CCSER2: variants seen among roughly 807,000 people sequenced by gnomAD.
CCSER2 encodes serine-rich coiled-coil domain-containing protein 2.
CCSER2 carries 46 observed loss-of-function variants against 92.3 expected under a neutral mutation model. That is an observed-to-expected ratio of 0.50 (90% CI 0.39 to 0.64). The LOEUF is 0.64. CCSER2 is among the 30% of genes least tolerant of loss of function. The pLI is 0.00. For synonymous variants in CCSER2, 433 were observed against 431.4 expected, an observed-to-expected ratio of 1.00 and a Z score of -0.04; for missense variants, 1,244 against 1,238.9, an observed-to-expected ratio of 1.00 and a Z score of -0.06.
intron 1 of CCSER2, among the ~76,000 whole-genome samples, chr10:84,351,630 G>A (rs535600571): frequency 1.3e-5 from 2 of 152,258 alleles, no homozygotes; most frequent in East Asian, 3.9e-4. Flanking sequence ...GCAGCCTTCC[G>A]AATAGCTTGG....
At chr10:84,425,300 T>C in intron 4 of CCSER2, 2 of 299,570 alleles carry the variant, frequency 6.7e-6, no homozygotes, top group African/African-American at 4.5e-5. Flanking sequence ...CAGTGAAAAT[T>C]AATTGTAGCA....
intron 6 of CCSER2, among the ~76,000 whole-genome samples, chr10:84,440,550 C>T (rs1478270071): frequency 6.6e-6 from 1 of 152,174 alleles, no homozygotes; most frequent in African/African-American, 2.4e-5. Flanking sequence ...AACCTGTTCT[C>T]ATCTGAACAG....
intron 5 of CCSER2, among the ~76,000 whole-genome samples, chr10:84,428,892 G>A (rs1193086609): frequency 6.6e-6 from 1 of 151,344 alleles, no homozygotes; most frequent in Non-Finnish European, 1.5e-5. Flanking sequence ...TACTAATGTG[G>A]AGTAATACTT....
Position 84,417,789 on chromosome 10 carries a change from G to T in CCSER2, c.1633G>T (p.Glu545Ter). The stretch of plus-strand genomic sequence containing the variant: ...TTCACAGGATATTTTGAATAATCTT[G>T]AATCATGTGACCTTGAGGATGATGA... ...MNSIDILNNL[E>*]SCDLEDDDLM... is the part of the protein sequence containing the mutation. Residue 545 changes from glutamate to a stop codon, truncating the protein, a stop_gained, in exon 4 of 10, where the codon GAA (glutamate) becomes TAA (stop). Transcript: ENST00000372088. LOFTEE classifies it high-confidence loss of function. 1 of 1,571,204 alleles carries T rather than the reference G, an allele frequency of 6.4e-7. No individual in the cohort carries two copies. Among genetic ancestry groups the T allele is most frequent in the Non-Finnish European group, 8.8e-7 (1 of 1,141,100 alleles).
chr10:84,505,053 C>T (rs1173869192), intron 9 of CCSER2, among the ~76,000 whole-genome samples: 1 of 152,036 alleles, frequency 6.6e-6, no homozygotes, highest in East Asian at 1.9e-4. Flanking sequence ...TATTTCCTTT[C>T]AGTCTTTTAA....
rs779866037 is a variant in CCSER2 at position 84,372,222 on chromosome 10, G to A, written c.1170G>A (p.Leu390=). The A allele has an allele frequency of 1.1e-5, 18 of 1,613,440 alleles. No homozygotes were observed. Among genetic ancestry groups the A allele is most frequent in the Non-Finnish European group, 1.4e-5 (17 of 1,179,634 alleles). Reference sequence around the variant, plus strand: ...AACATGATGCTAAAATGAGATACCTGAGTGATGATGTGGATGACATTTCCT... The same window carrying A: ...AACATGATGCTAAAATGAGATACCTAAGTGATGATGTGGATGACATTTCCT... ...TMKHDAKMRY[L]SDDVDDISLS... The change falls in exon 2 of 10, where the codon CTG becomes CTA. Residue 390 remains leucine (L), a synonymous_variant. Coordinates refer to ENST00000372088, the MANE Select transcript of CCSER2 (RefSeq NM_001284240.2).
chr10:84,392,489 A>G (rs1841583467), intron 3 of CCSER2, among the ~76,000 whole-genome samples: 1 of 152,110 alleles, frequency 6.6e-6, no homozygotes, highest in Non-Finnish European at 1.5e-5. Context: ...GGGAGTTACA[A>G]ATAGTAAAGA....
intron 7 of CCSER2, among the ~76,000 whole-genome samples, chr10:84,466,460 A>G (rs550628380): frequency 1.3e-5 from 2 of 151,884 alleles, no homozygotes; most frequent in African/African-American, 4.8e-5. Context: ...TCATCCAGTA[A>G]ATATCTTATG....
intron 3 of CCSER2, among the ~76,000 whole-genome samples, chr10:84,416,806 C>T (rs1226949101): frequency 1.3e-5 from 2 of 152,122 alleles, no homozygotes; most frequent in African/African-American, 4.8e-5. Flanking sequence ...TGGTGGGCGC[C>T]TGTAGTCCCA....
chr10:84,457,303 TATG>T (rs1845746322), intron 6 of CCSER2, among the ~76,000 whole-genome samples: 1 of 48,808 alleles, frequency 2.0e-5, no homozygotes, highest in South Asian at 4.7e-4. Context: ...TTATATATAA[TATG>T]TTATATATAA....
chr10:84,464,752 C>T (rs1846292815), intron 7 of CCSER2, among the ~76,000 whole-genome samples: 1 of 152,092 alleles, frequency 6.6e-6, no homozygotes, highest in African/African-American at 2.4e-5. Flanking sequence ...CATACTGAGA[C>T]GGATCAGCCC....
At chr10:84,437,389 C>T (rs1432527695) in intron 5 of CCSER2, among the ~76,000 whole-genome samples, 2 of 151,954 alleles carry the variant, frequency 1.3e-5, no homozygotes, top group Admixed American at 1.3e-4. Flanking sequence ...TGGTGGGTGC[C>T]TGTAATCCCA....
At chr10:84,500,774 C>T (rs1848680125) in intron 9 of CCSER2, among the ~76,000 whole-genome samples, 1 of 152,032 alleles carries the variant, frequency 6.6e-6, no homozygotes, top group Non-Finnish European at 1.5e-5. Context: ...TATGCCTTCT[C>T]CAAGGATTTA....
chr10:84,425,514 A>G (rs1338787552), intron 4 of CCSER2, among the ~76,000 whole-genome samples: 1 of 152,230 alleles, frequency 6.6e-6, no homozygotes, highest in East Asian at 1.9e-4. Context: ...ATGTAAAAGT[A>G]TTATAATTTA....
At position 84,441,736 on chromosome 10, in the gene CCSER2, GTTTTTTTTTTTTTTTTTTTTTTTTT is replaced by G. The variant is rs869280119; in HGVS notation, c.2064+3045_2064+3069del. On this transcript the variant is annotated intron_variant, in intron 6 of 9. Coordinates refer to ENST00000372088, the MANE Select transcript of CCSER2 (RefSeq NM_001284240.2). ...GAATAAAGTAGAAGACTGGGAAAAT[GTTTTTTTTTTTTTTTTTTTTTTTTT>G]TTTTTTTTTTTTTTTGAGACGAAGT... is the stretch of plus-strand genomic sequence containing the variant. Among the ~76,000 whole-genome samples the G allele has an allele frequency of 6.3e-3, 277 of 43,652 alleles. 2 individuals are homozygous for G. Among genetic ancestry groups the G allele is most frequent in the Middle Eastern group, 0.019 (1 of 54 alleles). The allele number at this position is 43,652 out of a possible 152,430, so 28.6% of individuals were successfully genotyped here.
At chr10:84,345,461 C>T (rs528405471) in intron 1 of CCSER2, among the ~76,000 whole-genome samples, 1 of 152,272 alleles carries the variant, frequency 6.6e-6, no homozygotes, top group South Asian at 2.1e-4. Context: ...GATAAAGATA[C>T]ATGTCTATTT....
rs1849648468 is a variant in CCSER2, at chr10:84,517,869, T to C, written c.*3602T>C. On this transcript the variant is annotated 3_prime_UTR_variant, in exon 10 of 10. Coordinates refer to ENST00000372088, the MANE Select transcript of CCSER2 (RefSeq NM_001284240.2). ...GAGCAGAGTTGTCATACTGGTTTCCTGGTCTCTAGGGCACTGGGGATGTAC... is the reference window on the plus strand; with the variant it reads ...GAGCAGAGTTGTCATACTGGTTTCCCGGTCTCTAGGGCACTGGGGATGTAC... The C allele has an allele frequency of 6.6e-6, 1 of 152,648 alleles. No homozygotes were observed. Among genetic ancestry groups the C allele is most frequent in the South Asian group, 2.1e-4 (1 of 4,832 alleles). The allele number at this position is 152,648 out of a possible 1,614,324, so 9.5% of individuals were successfully genotyped here.
intron 1 of CCSER2, among the ~76,000 whole-genome samples, chr10:84,343,951 G>A (rs955472440): frequency 3.3e-5 from 5 of 152,204 alleles, no homozygotes; most frequent in Admixed American, 3.3e-4. Flanking sequence ...CTGTGAAGAT[G>A]CTGTTTAATT....
intron 1 of CCSER2, among the ~76,000 whole-genome samples, chr10:84,351,371 A>G (rs1180839001): frequency 6.6e-6 from 1 of 152,046 alleles, no homozygotes; most frequent in Non-Finnish European, 1.5e-5. Context: ...AGCTGGGATT[A>G]CAGGCATCTG....
Sources: allele counts gnomAD v4.1 joint callset (sites outside exome capture counted in the v4.1 genomes callset), GRCh38; gene constraint gnomAD v4.1.1; transcripts MANE v1.5; gene names NCBI Gene and HGNC (gene_info 2026-07-23, HGNC 2026-07-21).